Variants in CTIF observed in about 807,000 individuals in gnomAD.
CTIF encodes the protein cap binding complex dependent translation initiation factor.
In CTIF, 21 loss-of-function variants were observed where a neutral mutation model predicts 66.0. The observed-to-expected ratio is 0.32, with a 90% CI of 0.23 to 0.46. The LOEUF (loss-of-function observed/expected upper bound fraction) is 0.46, where lower values mean the gene tolerates loss of function less well. Ranked by LOEUF, CTIF falls within the 20% of genes least tolerant of loss-of-function variation. The pLI is 1.00. For synonymous variants in CTIF, 345 were observed against 326.4 expected (o/e 1.06, Z -0.62); for missense variants, 739 against 812.7 (o/e 0.91, Z 1.10).
chr18:48,625,036 T>C (rs1568082937), intron 2 of CTIF, among the ~76,000 whole-genome samples: 2 of 152,178 alleles, frequency 1.3e-5, no homozygotes, highest in East Asian at 1.9e-4. Context: ...ATCGGCTCAA[T>C]GGCTTTTCCT....
intron 1 of CTIF, among the ~76,000 whole-genome samples, chr18:48,592,946 G>A (rs555558822): frequency 1.4e-4 from 22 of 152,354 alleles, no homozygotes; most frequent in African/African-American, 2.6e-4. Context: ...TGGAGGCAGC[G>A]GGGATCTGGG....
chr18:48,715,422 G>A (rs1034315256), intron 7 of CTIF, among the ~76,000 whole-genome samples: 2 of 152,154 alleles, frequency 1.3e-5, no homozygotes, highest in African/African-American at 2.4e-5. Flanking sequence ...AGTGTTCCAC[G>A]CGTTCCTCAA....
At chr18:48,604,501 C>T (rs1174906231) in intron 1 of CTIF, among the ~76,000 whole-genome samples, 1 of 152,048 alleles carries the variant, frequency 6.6e-6, no homozygotes, top group Non-Finnish European at 1.5e-5. Context: ...CATTGATGTT[C>T]TTTTATTCAT....
chr18:48,632,452 T>C (rs1390844249), intron 2 of CTIF, among the ~76,000 whole-genome samples: 1 of 152,156 alleles, frequency 6.6e-6, no homozygotes, highest in Non-Finnish European at 1.5e-5. Context: ...GATCACCCGC[T>C]TTGCCTGCTG....
intron 1 of CTIF, among the ~76,000 whole-genome samples, chr18:48,617,211 G>T (rs917948342): frequency 6.6e-6 from 1 of 152,166 alleles, no homozygotes; most frequent in Non-Finnish European, 1.5e-5. Flanking sequence ...CTGCCCACAT[G>T]CCTTACCATG....
chr18:48,648,609 C>G (rs2091098344), intron 3 of CTIF, among the ~76,000 whole-genome samples: 1 of 152,140 alleles, frequency 6.6e-6, no homozygotes, highest in South Asian at 2.1e-4. Context: ...GAAGATTCAA[C>G]CATTCTCAAA....
chr18:48,699,947 C>T (rs1409102226), intron 6 of CTIF, among the ~76,000 whole-genome samples: 1 of 152,260 alleles, frequency 6.6e-6, no homozygotes, highest in African/African-American at 2.4e-5. Flanking sequence ...TCTCCAATTC[C>T]ACGTGAGCAC....
At chr18:48,651,481 GTAGACTCCCACT>G (rs757708988) in intron 3 of CTIF, among the ~76,000 whole-genome samples, 3 of 151,194 alleles carry the variant, frequency 2.0e-5, no homozygotes, top group South Asian at 4.2e-4. Flanking sequence ...GGAGCACACA[GTAGACTCCCACT>G]TAGACTCCCA....
At chr18:48,758,598 A>G (rs1016619934) in intron 8 of CTIF, among the ~76,000 whole-genome samples, 193 bp downstream of exon 8, 2 of 152,056 alleles carry the variant, frequency 1.3e-5, no homozygotes, top group South Asian at 4.1e-4. Flanking sequence ...TAGGGCCATC[A>G]TGAACCCCTC....
chr18:48,799,099 G>A (rs982163433), intron 9 of CTIF, among the ~76,000 whole-genome samples: 15 of 152,198 alleles, frequency 9.9e-5, no homozygotes, highest in Non-Finnish European at 2.2e-4. Context: ...CGGGTCACGC[G>A]GAGCAGTTCA....
intron 3 of CTIF, chr18:48,661,986 G>C (rs976734684): frequency 1.3e-5 from 2 of 152,240 alleles, no homozygotes; most frequent in Non-Finnish European, 2.9e-5. Flanking sequence ...CTGCCATCAA[G>C]GGCCCGCTAT....
At chr18:48,624,089 C>T (rs1213815076) in intron 2 of CTIF, among the ~76,000 whole-genome samples, 1 of 141,534 alleles carries the variant, frequency 7.1e-6, no homozygotes, top group Non-Finnish European at 1.5e-5. Flanking sequence ...TGACACCACG[C>T]CCCTCCCCAT....
intron 6 of CTIF, among the ~76,000 whole-genome samples, chr18:48,704,870 C>T (rs2092131428): frequency 6.6e-6 from 1 of 152,130 alleles, no homozygotes; most frequent in African/African-American, 2.4e-5. Flanking sequence ...CCAGAGGACC[C>T]TTGGTTGGGG....
At chr18:48,814,258 A>G (rs2068317414) in intron 9 of CTIF, among the ~76,000 whole-genome samples, 1 of 152,210 alleles carries the variant, frequency 6.6e-6, no homozygotes, top group South Asian at 2.1e-4. Flanking sequence ...TTAGCACTTG[A>G]TAAAGGCCTA....
chr18:48,690,431 A>G (rs1456375904), intron 6 of CTIF, among the ~76,000 whole-genome samples: 1 of 152,126 alleles, frequency 6.6e-6, no homozygotes, highest in Non-Finnish European at 1.5e-5. Flanking sequence ...CATCACGTGG[A>G]AGACAAGCTC....
intron 7 of CTIF, among the ~76,000 whole-genome samples, chr18:48,754,653 CACTTGAGGTGG>C (rs1479540400): frequency 6.6e-6 from 1 of 152,248 alleles, no homozygotes; most frequent in Non-Finnish European, 1.5e-5. Context: ...TAGGAGGGAA[CACTTGAGGTGG>C]ACTCCCTGGC....
At chr18:48,691,264 A>C (rs2091921754) in intron 6 of CTIF, among the ~76,000 whole-genome samples, 1 of 152,192 alleles carries the variant, frequency 6.6e-6, no homozygotes. Flanking sequence ...TCTAGAAACA[A>C]AGGGATTGTG....
intron 2 of CTIF, among the ~76,000 whole-genome samples, chr18:48,623,836 A>G (rs2090541385): frequency 6.6e-6 from 1 of 151,832 alleles, no homozygotes; most frequent in South Asian, 2.1e-4. Flanking sequence ...TAACAACTAG[A>G]AAGAAATGAA....
At chr18:48,603,566 G>C (rs907492923) in intron 1 of CTIF, among the ~76,000 whole-genome samples, 1 of 149,476 alleles carries the variant, frequency 6.7e-6, no homozygotes, top group African/African-American at 2.5e-5. Flanking sequence ...TGGATAAATG[G>C]GGGGGTGGAT....
Sources: gnomAD v4.1 joint callset for allele counts (sites outside exome capture counted in the v4.1 genomes callset) on GRCh38, gnomAD v4.1.1 for gene constraint, MANE v1.5 for transcripts, NCBI Gene and HGNC (gene_info 2026-07-23, HGNC 2026-07-21) for gene names.